Variants in ITGB6 observed in about 807,000 individuals in gnomAD.
The protein encoded by ITGB6 is integrin subunit beta 6, also known as integrin beta-6.
Under a neutral mutation model 84.5 loss-of-function variants are expected in ITGB6, and 80 were observed. That is an observed-to-expected ratio of 0.95 (90% CI 0.79 to 1.14). The LOEUF (loss-of-function observed/expected upper bound fraction) is 1.14. Ranked by LOEUF, ITGB6 falls within the 50% of genes most tolerant of loss-of-function variation. The probability of loss-of-function intolerance (pLI) is 0.00; values close to 1 mark genes in which losing one functional copy is unlikely to be tolerated. For missense variants in ITGB6, 1,006 were observed against 968.0 expected (o/e 1.04, Z -0.52); for synonymous variants, 383 against 354.9 (o/e 1.08, Z -0.89).
chr2:160,144,370 TG>T (rs1367852556), intron 7 of ITGB6, among the ~76,000 whole-genome samples: 1 of 152,212 alleles, frequency 6.6e-6, no homozygotes. Context: ...AGGGGAAACT[TG>T]TAAAATACAA....
intron 8 of ITGB6, among the ~76,000 whole-genome samples, chr2:160,139,432 T>A (rs1367263983): frequency 1.3e-5 from 2 of 152,148 alleles, no homozygotes; most frequent in Admixed American, 1.3e-4. Flanking sequence ...TGTGTAAGTT[T>A]GCCAAATGTA....
At chr2:160,116,485 G>A (rs1300929423) in intron 12 of ITGB6, among the ~76,000 whole-genome samples, 1 of 152,100 alleles carries the variant, frequency 6.6e-6, no homozygotes, top group African/African-American at 2.4e-5. Context: ...TCACCACCAG[G>A]CCTACCCTAA....
rs1686455664 is a variant in ITGB6 at position 160,199,163 on chromosome 2, A to G, written c.141+16T>C. The stretch of plus-strand genomic sequence containing the variant: ...GCAGACAGGTTTTAAAAACACATTG[A>G]GGTCATTTATTTTACCTCCTGAGCA... On this transcript the variant is annotated intron_variant, in intron 2 of 14. Transcript: ENST00000283249. 3.1e-6 allele frequency: 5 copies of G among 1,601,698 alleles called. No individual in the cohort carries two copies. Among genetic ancestry groups the G allele is most frequent in the Non-Finnish European group, 4.3e-6 (5 of 1,168,816 alleles).
chr2:160,148,482 C>G (rs989748877), intron 7 of ITGB6, among the ~76,000 whole-genome samples: 1 of 152,206 alleles, frequency 6.6e-6, no homozygotes. Context: ...TTGAACACTT[C>G]CAAGATGGCT....
At chr2:160,197,009 C>A (rs1457836083) in intron 2 of ITGB6, among the ~76,000 whole-genome samples, 1 of 152,112 alleles carries the variant, frequency 6.6e-6, no homozygotes, top group Non-Finnish European at 1.5e-5. Context: ...CGGTCTGTTA[C>A]CCTTATATTG....
At chr2:160,196,533 C>T in intron 2 of ITGB6, 113 bp from the exon 3 acceptor site, 1 of 832,478 alleles carries the variant, frequency 1.2e-6, no homozygotes, top group African/African-American at 1.7e-5. Flanking sequence ...AAGCATCTTG[C>T]CATATTGTAT....
At chr2:160,159,592 C>T (rs536979460) in intron 7 of ITGB6, among the ~76,000 whole-genome samples, 2 of 152,146 alleles carry the variant, frequency 1.3e-5, no homozygotes, top group Non-Finnish European at 2.9e-5. Flanking sequence ...CTCTCCCGCT[C>T]CATCTCCTTC....
At chr2:160,147,700 A>C (rs1279657020) in intron 7 of ITGB6, among the ~76,000 whole-genome samples, 3 of 152,240 alleles carry the variant, frequency 2.0e-5, no homozygotes, top group African/African-American at 7.2e-5. Flanking sequence ...ATCCTTGACA[A>C]AGGAGCAAAG....
At chr2:160,183,564 A>C (rs1321986971) in intron 4 of ITGB6, among the ~76,000 whole-genome samples, 3 of 152,178 alleles carry the variant, frequency 2.0e-5, no homozygotes, top group African/African-American at 4.8e-5. Context: ...CTCCACTGTC[A>C]ATATTAGACA....
At chr2:160,144,117 T>C (rs1684099872) in intron 7 of ITGB6, among the ~76,000 whole-genome samples, 1 of 152,162 alleles carries the variant, frequency 6.6e-6, no homozygotes, top group Non-Finnish European at 1.5e-5. Context: ...TAGCACACTG[T>C]AGCTCAAACT....
intron 4 of ITGB6, among the ~76,000 whole-genome samples, chr2:160,191,125 T>A (rs1310017915): frequency 6.6e-6 from 1 of 152,238 alleles, no homozygotes; most frequent in African/African-American, 2.4e-5. Flanking sequence ...TAAGAGGTTG[T>A]TAGCACCAAG....
intron 12 of ITGB6, among the ~76,000 whole-genome samples, chr2:160,113,037 C>A (rs891580976): frequency 9.2e-5 from 14 of 152,338 alleles, no homozygotes; most frequent in Admixed American, 4.6e-4. Context: ...GTTCTCCTAT[C>A]TTTTAAGTTG....
At chr2:160,103,687 G>T (rs984954581) in intron 14 of ITGB6, among the ~76,000 whole-genome samples, 16 of 152,162 alleles carry the variant, frequency 1.1e-4, no homozygotes. Context: ...GGTTACAGGA[G>T]AATGAGAGAC....
intron 10 of ITGB6, among the ~76,000 whole-genome samples, chr2:160,128,913 A>AAT (rs973884516): frequency 3.9e-5 from 6 of 152,038 alleles, no homozygotes; most frequent in South Asian, 4.2e-4. Flanking sequence ...TAGGAGGCTG[A>AAT]ATATATATAT....
intron 10 of ITGB6, among the ~76,000 whole-genome samples, chr2:160,128,590 G>A (rs1006263772): frequency 1.3e-5 from 2 of 152,176 alleles, no homozygotes; most frequent in African/African-American, 2.4e-5. Context: ...CATGGGAGCA[G>A]CAAGGAAAGA....
At chr2:160,167,378 G>T (rs1412375590) in intron 7 of ITGB6, among the ~76,000 whole-genome samples, 1 of 152,176 alleles carries the variant, frequency 6.6e-6, no homozygotes, top group African/African-American at 2.4e-5. Context: ...TACTAATGCA[G>T]ATGGAATGAT....
chr2:160,106,941 A>G (rs376496016), intron 14 of ITGB6, among the ~76,000 whole-genome samples: 6 of 152,212 alleles, frequency 3.9e-5, no homozygotes, highest in Admixed American at 3.9e-4. Context: ...TGGACACACC[A>G]TTAGAGATAG....
intron 10 of ITGB6, among the ~76,000 whole-genome samples, chr2:160,134,853 A>T (rs144698376): frequency 0.026 from 4,037 of 152,364 alleles, 71 homozygotes; most frequent in South Asian, 0.077. Flanking sequence ...AAAATTCAAC[A>T]GCACTTCCTG....
chr2:160,124,010 T>C, intron 11 of ITGB6, 122 bp from the exon 12 acceptor site: 1 of 625,326 alleles, frequency 1.6e-6, no homozygotes, highest in South Asian at 2.1e-5. Context: ...GATGTCATTA[T>C]CTTTTGTTAC....
Sources: allele counts gnomAD v4.1 joint callset (sites outside exome capture counted in the v4.1 genomes callset), GRCh38; gene constraint gnomAD v4.1.1; transcripts MANE v1.5; gene names NCBI Gene and HGNC (gene_info 2026-07-23, HGNC 2026-07-21).